Variants in RARA observed in about 807,000 individuals in gnomAD.
The protein encoded by RARA is retinoic acid receptor alpha.
A neutral mutation model predicts 42.8 loss-of-function variants in RARA; 5 were observed. That is an observed-to-expected ratio of 0.12 (90% CI 0.06 to 0.25). RARA has a LOEUF of 0.25. Among genes scored for constraint, RARA ranks in the 10% least tolerant of loss-of-function variants. The probability of loss-of-function intolerance (pLI) is 1.00; values close to 1 mark genes in which losing one functional copy is unlikely to be tolerated. For synonymous variants in RARA, 256 were observed against 259.5 expected (o/e 0.99, Z 0.13); for missense variants, 402 against 628.7 (o/e 0.64, Z 3.86).
intron 2 of RARA, chr17:40,342,752 A>G (rs1426956674): frequency 6.2e-7 from 1 of 1,612,596 alleles, no homozygotes; most frequent in Non-Finnish European, 8.5e-7. Context: ...ATCCCTTCCT[A>G]GTGGTGGATT....
intron 1 of RARA, among the ~76,000 whole-genome samples, chr17:40,321,939 C>T (rs1296546668): frequency 6.6e-6 from 1 of 152,162 alleles, no homozygotes; most frequent in Admixed American, 6.5e-5. Flanking sequence ...CTGATGACCC[C>T]CACCCCCATC....
At chr17:40,336,082 GTTGT>G (rs905314175) in intron 2 of RARA, among the ~76,000 whole-genome samples, 1 of 152,120 alleles carries the variant, frequency 6.6e-6, no homozygotes, top group Admixed American at 6.5e-5. Flanking sequence ...CTTTTTTGTT[GTTGT>G]TTGTTTTGAG....
In RARA at chr17:40,352,441, C is replaced by T. The variant is rs139260459; in HGVS notation, c.741C>T (p.Pro247=). 141 of 1,613,752 alleles carry T rather than the reference C, an allele frequency of 8.7e-5. No homozygotes were observed. Among genetic ancestry groups the T allele is most frequent in the East Asian group, 1.3e-4 (6 of 44,902 alleles). The change falls in exon 6 of 9, where the codon CCC becomes CCT. Residue 247 remains proline, a synonymous_variant. Coordinates refer to ENST00000254066, the MANE Select transcript of RARA (RefSeq NM_000964.4). The surrounding 1 kb of genome is among the most constrained non-coding windows in gnomAD (Gnocchi z 4.9). The part of the protein sequence containing the change: ...IKTVEFAKQL[P]GFTTLTIADQ... ...CTGTGGAGTTCGCCAAGCAGCTGCC[C>T]GGCTTCACCACCCTCACCATCGCCG...
At position 40,351,386 on chromosome 17, in the gene RARA, G is replaced by A. The variant is rs1197264526; in HGVS notation, c.470-524G>A. 4.7e-6 allele frequency: 2 copies of A among 427,600 alleles called. No homozygotes were observed. The highest frequency in any genetic ancestry group is 1.7e-5 in the South Asian group (1 of 60,408). 26.5% of individuals were successfully genotyped at this position (427,600 alleles called of 1,614,324 possible). A position where few individuals can be genotyped will look rare whatever the true frequency, so the allele number is the denominator to read the frequency against. On this transcript the variant is annotated intron_variant, in intron 4 of 8. Coordinates refer to ENST00000254066, the MANE Select transcript of RARA (RefSeq NM_000964.4). The surrounding 1 kb of genome is among the most constrained non-coding windows in gnomAD (Gnocchi z 4.1). ...TGCGGCTCAGCGCCCCTGGTGATTTGTCAGCTCCCCAGCTAATGGGCCAAG... is the reference window on the plus strand; with the variant it reads ...TGCGGCTCAGCGCCCCTGGTGATTTATCAGCTCCCCAGCTAATGGGCCAAG...
intron 2 of RARA, among the ~76,000 whole-genome samples, chr17:40,335,465 G>A (rs576303269): frequency 4.6e-5 from 7 of 151,930 alleles, no homozygotes; most frequent in Admixed American, 1.3e-4. Context: ...CAAGGCGGGC[G>A]GATGACCTGA....
chr17:40,344,108 G>T (rs2034170259), intron 2 of RARA, among the ~76,000 whole-genome samples: 1 of 151,786 alleles, frequency 6.6e-6, no homozygotes, highest in South Asian at 2.1e-4. Flanking sequence ...GGTCTCGGGG[G>T]GGCCCTGGCA....
rs546575407 is a variant in RARA at position 40,322,102 on chromosome 17, G to A, written c.-362-8755G>A. Among the ~76,000 whole-genome samples the A allele has an allele frequency of 2.6e-5, 4 of 152,194 alleles. No homozygotes were observed. In the East Asian group the frequency reaches 7.7e-4, roughly 29 times the overall value. On this transcript the variant is annotated intron_variant, in intron 1 of 8. Transcript: ENST00000254066. ...GAGCTCAGCTCTGGGCCAGTGGGGA[G>A]TCTGGGTCTGGCTGGCCGCCCGGTT...
In RARA at chr17:40,320,468, G is replaced by T. The variant is rs1391170405; in HGVS notation, c.-362-10389G>T. On this transcript the variant is annotated intron_variant, in intron 1 of 8. Transcript: ENST00000254066. This position sits in a 1 kb window ranked among gnomAD's most constrained non-coding sequence, Gnocchi z 4.1. ...TGGGGGAGAGGACATTGTCTGAGTG[G>T]CCCCTCAGGTCTGTTTTGGGGACAT... Among the ~76,000 whole-genome samples, 1 of 152,176 alleles carries T rather than the reference G, an allele frequency of 6.6e-6. No homozygotes were observed. The highest frequency in any genetic ancestry group is 2.4e-5 in the African/African-American group (1 of 41,432).
chr17:40,352,716 G>T lies in RARA; in HGVS notation c.807+209G>T, dbSNP rs35783632. ...CCACCTAGCAGCCAGATGTGCAGGA[G>T]CTCACCTGTTCACCCATACACATAT... is the stretch of plus-strand genomic sequence containing the variant. On this transcript the variant is annotated intron_variant, in intron 6 of 8. Transcript: ENST00000254066. This position sits in a 1 kb window ranked among gnomAD's most constrained non-coding sequence, Gnocchi z 4.9. Among the ~76,000 whole-genome samples the T allele has an allele frequency of 0.015, 2,283 of 152,276 alleles. 29 individuals carry two copies. The highest frequency in any genetic ancestry group is 0.023 in the Non-Finnish European group (1,539 of 68,030).
chr17:40,356,152 C>T lies in RARA; in HGVS notation c.1315C>T (p.Pro439Ser), dbSNP rs1014673601. 8 of 1,554,032 alleles carry T rather than the reference C, an allele frequency of 5.1e-6. No homozygotes were observed. The highest frequency in any genetic ancestry group is 7.0e-6 in the Non-Finnish European group (8 of 1,148,888). Residue 439 changes from proline to serine, a missense_variant, in exon 9 of 9, where the codon CCC (proline) becomes TCC (serine). Transcript: ENST00000254066. ...GGGGCGGGACGGGGGTGGCCTGGCC[C>T]CCCCGCCAGGCAGCTGTAGCCCCAG... is the stretch of plus-strand genomic sequence containing the variant. The part of the protein sequence containing the change: ...GGGRDGGGLA[P>S]PPGSCSPSLS...
intron 2 of RARA, among the ~76,000 whole-genome samples, chr17:40,339,633 C>T (rs2033966018): frequency 6.6e-6 from 1 of 152,196 alleles, no homozygotes; most frequent in Non-Finnish European, 1.5e-5. Context: ...TCCCAGAAAT[C>T]TTCACAGATG....
At chr17:40,341,576 C>T in intron 2 of RARA, 2 of 1,366,408 alleles carry the variant, frequency 1.5e-6, no homozygotes, top group Non-Finnish European at 1.9e-6. Context: ...CGGGCGAGCC[C>T]CGCGGGCGGG....
intron 2 of RARA, chr17:40,341,662 A>C: frequency 7.4e-7 from 1 of 1,344,908 alleles, no homozygotes; most frequent in Non-Finnish European, 9.5e-7. Flanking sequence ...GAGTTCAGCG[A>C]GAGTTCAGCC....
chr17:40,356,519 C>G lies in RARA; in HGVS notation c.*293C>G, dbSNP rs1194519323. ...TGGGTCCTGGGGGCCTCGTGTTCAT[C>G]AAGACACCCCTCTGCCCAGCTCACC... is the stretch of plus-strand genomic sequence containing the variant. On this transcript the variant is annotated 3_prime_UTR_variant, in exon 9 of 9. Coordinates refer to ENST00000254066, the MANE Select transcript of RARA (RefSeq NM_000964.4). 2 of 650,556 alleles carry G rather than the reference C, an allele frequency of 3.1e-6. No homozygotes were observed. The highest frequency in any genetic ancestry group is 4.1e-5 in the Admixed American group (2 of 48,238). 40.3% of individuals were successfully genotyped at this position (650,556 alleles called of 1,614,324 possible). A position where few individuals can be genotyped will look rare whatever the true frequency, so the allele number is the denominator to read the frequency against.
rs375602903 is a variant in RARA at position 40,354,165 on chromosome 17, T to C, written c.808-137T>C. 3.0e-4 allele frequency: 234 copies of C among 768,212 alleles called. No individual in the cohort carries two copies. Among genetic ancestry groups the C allele is most frequent in the Non-Finnish European group, 4.5e-4 (210 of 468,018 alleles). 47.6% of individuals were successfully genotyped at this position (768,212 alleles called of 1,614,324 possible). On this transcript the variant is annotated intron_variant, in intron 6 of 8. Coordinates refer to ENST00000254066, the MANE Select transcript of RARA (RefSeq NM_000964.4). The surrounding 1 kb of genome is among the most constrained non-coding windows in gnomAD (Gnocchi z 4.5). ...CAGACGTAGAACCTTTCCATCATTG[T>C]AGAAAATTCTATCAGACAGCATTGC...
chr17:40,329,988 G>C (rs1338902871), intron 1 of RARA, among the ~76,000 whole-genome samples: 2 of 152,110 alleles, frequency 1.3e-5, no homozygotes, highest in African/African-American at 2.4e-5. Context: ...GTTCATCTCT[G>C]TCTCTGTCTC....
At chr17:40,328,045 G>T (rs540928065) in intron 1 of RARA, among the ~76,000 whole-genome samples, 1 of 152,128 alleles carries the variant, frequency 6.6e-6, no homozygotes, top group Non-Finnish European at 1.5e-5. Context: ...TAAAAATCGT[G>T]GTTATTAGCA....
chr17:40,331,095 CGG>C lies in RARA; in HGVS notation c.-122_-121del. The C allele has an allele frequency of 8.9e-7, 1 of 1,123,548 alleles. No homozygotes were observed. 69.6% of individuals were successfully genotyped at this position (1,123,548 alleles called of 1,614,324 possible). A position where few individuals can be genotyped will look rare whatever the true frequency, so the allele number is the denominator to read the frequency against. On this transcript the variant is annotated 5_prime_UTR_variant, in exon 2 of 9. Transcript: ENST00000254066. The stretch of plus-strand genomic sequence containing the variant: ...TTTGGACAGCAGCTCCAGGACAGGG[CGG>C]GTGGGCTGACCACCCAAACCCCATC...
intron 1 of RARA, among the ~76,000 whole-genome samples, chr17:40,327,525 A>G (rs187914712): frequency 6.6e-6 from 1 of 152,308 alleles, no homozygotes; most frequent in African/African-American, 2.4e-5. Context: ...CGGAGAATGT[A>G]CAGTTTGGGA....
Sources: allele counts gnomAD v4.1 joint callset (sites outside exome capture counted in the v4.1 genomes callset), GRCh38; gene constraint gnomAD v4.1.1; non-coding constraint Gnocchi (gnomAD v3.1); transcripts MANE v1.5; gene names NCBI Gene and HGNC (gene_info 2026-07-23, HGNC 2026-07-21).